The following EBF2 variants were observed in gnomAD, a reference collection of about 807,000 sequenced individuals.
The protein encoded by EBF2 is transcription factor COE2.
In EBF2, 21 loss-of-function variants were observed where a neutral mutation model predicts 72.8. That is an observed-to-expected ratio of 0.29 (90% CI 0.20 to 0.42). The LOEUF (loss-of-function observed/expected upper bound fraction) is 0.42, where lower values mean the gene tolerates loss of function less well. Ranked by LOEUF, EBF2 falls within the 10% of genes least tolerant of loss-of-function variation. The probability of loss-of-function intolerance (pLI) is 1.00; values close to 1 mark genes in which losing one functional copy is unlikely to be tolerated. For synonymous variants in EBF2, 299 were observed against 274.2 expected (o/e 1.09, Z -0.89); for missense variants, 637 against 731.2 (o/e 0.87, Z 1.49).
chr8:26,002,228 T>G (rs1471725704), intron 6 of EBF2, among the ~76,000 whole-genome samples: 1 of 152,128 alleles, frequency 6.6e-6, no homozygotes, highest in Non-Finnish European at 1.5e-5. Context: ...ACATGAAGTC[T>G]GCTGGTGGGG....
intron 6 of EBF2, among the ~76,000 whole-genome samples, chr8:25,982,657 C>T (rs965494816): frequency 1.3e-5 from 2 of 152,070 alleles, no homozygotes; most frequent in Admixed American, 6.5e-5. Flanking sequence ...ACTCTGTGGC[C>T]CCTAACCTTT....
intron 5 of EBF2, among the ~76,000 whole-genome samples, chr8:26,036,921 T>C (rs905701589): frequency 1.3e-5 from 2 of 151,470 alleles, no homozygotes; most frequent in Admixed American, 6.6e-5. Flanking sequence ...AAAAAATAAA[T>C]AAAACAAAGA....
chr8:26,037,970 G>A lies in EBF2; in HGVS notation c.482+2058C>T, dbSNP rs1370718965. ...GTATGCCAAATAACACTATGCAAATGAAACTAAGTATATGCAATAACCCTT... is the reference window on the plus strand; with the variant it reads ...GTATGCCAAATAACACTATGCAAATAAAACTAAGTATATGCAATAACCCTT... On this transcript the variant is annotated intron_variant, in intron 5 of 15. Coordinates refer to ENST00000520164, the MANE Select transcript of EBF2 (RefSeq NM_022659.4). 4.6e-5 allele frequency among the ~76,000 whole-genome samples: 7 copies of A among 152,310 alleles called. No homozygotes were observed. In the East Asian group the frequency reaches 1.3e-3, roughly 29 times the overall value.
chr8:26,033,678 G>A (rs943536894), intron 5 of EBF2, among the ~76,000 whole-genome samples: 2 of 152,094 alleles, frequency 1.3e-5, no homozygotes, highest in African/African-American at 4.8e-5. Flanking sequence ...GATCTGTGCA[G>A]CAAACCACCG....
chr8:25,998,979 T>G (rs1206353482), intron 6 of EBF2, among the ~76,000 whole-genome samples: 1 of 152,004 alleles, frequency 6.6e-6, no homozygotes, highest in Admixed American at 6.6e-5. Context: ...AAGAAAAAAC[T>G]TTTCAAGAAA....
chr8:26,027,805 A>G (rs1225517237), intron 6 of EBF2, among the ~76,000 whole-genome samples: 3 of 152,194 alleles, frequency 2.0e-5, no homozygotes, highest in Non-Finnish European at 4.4e-5. Flanking sequence ...ATTCTGACAC[A>G]TGCTACAACA....
chr8:26,003,226 G>A (rs887138068), intron 6 of EBF2, among the ~76,000 whole-genome samples: 9 of 152,120 alleles, frequency 5.9e-5, no homozygotes, highest in Admixed American at 3.9e-4. Flanking sequence ...TGGGAACTGA[G>A]CCTCTGGAAA....
At chr8:25,938,455 C>T (rs987775659) in intron 6 of EBF2, among the ~76,000 whole-genome samples, 2 of 150,518 alleles carry the variant, frequency 1.3e-5, no homozygotes, top group East Asian at 3.9e-4. Context: ...ATTCTTCCTT[C>T]ATTTACAGCC....
intron 1 of EBF2, among the ~76,000 whole-genome samples, chr8:26,043,764 C>T (rs777087987): frequency 1.3e-5 from 2 of 152,136 alleles, no homozygotes; most frequent in African/African-American, 4.8e-5. Flanking sequence ...GCAGGGGAAG[C>T]GAGGGTAGTG....
chr8:25,966,117 G>C (rs1205265949), intron 6 of EBF2, among the ~76,000 whole-genome samples: 3 of 152,224 alleles, frequency 2.0e-5, no homozygotes, highest in African/African-American at 7.2e-5. Flanking sequence ...AGGCCAGGCT[G>C]GCTCCTTCTC....
intron 14 of EBF2, chr8:25,857,910 C>G: frequency 2.9e-6 from 1 of 346,746 alleles, no homozygotes; most frequent in Non-Finnish European, 5.6e-6. Flanking sequence ...AAAACTGCAG[C>G]AAAGCCAAAC....
intron 6 of EBF2, among the ~76,000 whole-genome samples, chr8:26,024,514 A>G (rs977763771): frequency 2.0e-5 from 3 of 152,090 alleles, no homozygotes; most frequent in Non-Finnish European, 4.4e-5. Context: ...CTGCTTTACA[A>G]CCCTAGATAT....
At chr8:25,960,483 A>G (rs1407148833) in intron 6 of EBF2, among the ~76,000 whole-genome samples, 2 of 152,218 alleles carry the variant, frequency 1.3e-5, no homozygotes, top group African/African-American at 2.4e-5. Flanking sequence ...ATAAATATCT[A>G]TCAGATCTCC....
At chr8:25,995,041 C>T (rs751409905) in intron 6 of EBF2, among the ~76,000 whole-genome samples, 10 of 152,126 alleles carry the variant, frequency 6.6e-5, no homozygotes, top group Non-Finnish European at 1.3e-4. Flanking sequence ...CGTGGTGGCT[C>T]ACACCTGTAA....
At chr8:25,959,551 C>G (rs560131677) in intron 6 of EBF2, among the ~76,000 whole-genome samples, 1 of 152,144 alleles carries the variant, frequency 6.6e-6, no homozygotes, top group Non-Finnish European at 1.5e-5. Context: ...AAAAATGTAA[C>G]GGCCATTTTT....
chr8:25,921,939 A>G (rs1437514353), intron 6 of EBF2, among the ~76,000 whole-genome samples: 2 of 152,198 alleles, frequency 1.3e-5, no homozygotes, highest in African/African-American at 4.8e-5. Context: ...CTTTCTTCCC[A>G]TGCCATATCA....
At chr8:25,967,331 C>T (rs1016586206) in intron 6 of EBF2, among the ~76,000 whole-genome samples, 1 of 152,142 alleles carries the variant, frequency 6.6e-6, no homozygotes, top group Non-Finnish European at 1.5e-5. Context: ...AGATGCTCCT[C>T]AACATACAAT....
intron 15 of EBF2, among the ~76,000 whole-genome samples, chr8:25,848,718 G>A (rs1187916849): frequency 6.6e-6 from 1 of 152,144 alleles, no homozygotes; most frequent in Non-Finnish European, 1.5e-5. Context: ...TATGTGCTAA[G>A]TGGCCAGGAA....
chr8:26,008,699 CT>C (rs1429348244), intron 6 of EBF2, among the ~76,000 whole-genome samples: 2 of 150,672 alleles, frequency 1.3e-5, no homozygotes, highest in African/African-American at 2.4e-5. Context: ...GTTTTATCAT[CT>C]TTGCTTTTTA....
Sources: gnomAD v4.1 joint callset for allele counts (sites outside exome capture counted in the v4.1 genomes callset) on GRCh38, gnomAD v4.1.1 for gene constraint, MANE v1.5 for transcripts, NCBI Gene and HGNC (gene_info 2026-07-23, HGNC 2026-07-21) for gene names.